Variants in CACNA2D3 observed in about 807,000 individuals in gnomAD.
The protein encoded by CACNA2D3 is calcium voltage-gated channel auxiliary subunit alpha2delta 3.
In CACNA2D3, 60 loss-of-function variants were observed where a neutral mutation model predicts 160.6. The observed-to-expected ratio is 0.37, with a 90% CI of 0.30 to 0.46. CACNA2D3 has a LOEUF of 0.46. CACNA2D3 is among the 20% of genes least tolerant of loss of function. The pLI, the probability that CACNA2D3 is intolerant of heterozygous loss-of-function variation, is 1.00. For synonymous variants in CACNA2D3, 558 were observed against 492.9 expected (o/e 1.13, Z -1.75); for missense variants, 1,205 against 1,365.0 (o/e 0.88, Z 1.85).
chr3:54,123,469 TGACA>T (rs1168861766), intron 1 of CACNA2D3, 40 bp from the exon 2 acceptor site: 2 of 1,389,844 alleles, frequency 1.4e-6, no homozygotes, highest in Non-Finnish European at 2.1e-6. Context: ...GTGTTGACTG[TGACA>T]CGGGTGTTAC....
chr3:54,994,228 G>C (rs1702807246), intron 31 of CACNA2D3, among the ~76,000 whole-genome samples: 1 of 152,060 alleles, frequency 6.6e-6, no homozygotes. Flanking sequence ...CCTGTCTTTG[G>C]TAATCACATT....
chr3:54,273,759 T>C (rs1055371688), intron 2 of CACNA2D3, among the ~76,000 whole-genome samples: 1 of 152,228 alleles, frequency 6.6e-6, no homozygotes, highest in Non-Finnish European at 1.5e-5. Context: ...ACACCTGTAC[T>C]CAGTCCAGGT....
chr3:54,166,307 G>A (rs1027962419), intron 2 of CACNA2D3, among the ~76,000 whole-genome samples: 6 of 152,184 alleles, frequency 3.9e-5, no homozygotes, highest in East Asian at 1.9e-4. Context: ...TTATTCTCCC[G>A]AGGCTGACAG....
chr3:55,043,886 A>C (rs1278893603), intron 35 of CACNA2D3, among the ~76,000 whole-genome samples: 1 of 152,164 alleles, frequency 6.6e-6, no homozygotes, highest in Non-Finnish European at 1.5e-5. Flanking sequence ...TCATTTCTCC[A>C]CTGACTTGCC....
chr3:54,904,034 T>C (rs1700400339), intron 27 of CACNA2D3, among the ~76,000 whole-genome samples: 2 of 152,218 alleles, frequency 1.3e-5, no homozygotes, highest in Non-Finnish European at 2.9e-5. Flanking sequence ...AATTTATTTC[T>C]TACAGTTCTG....
At chr3:55,002,216 A>G (rs951899297) in intron 31 of CACNA2D3, among the ~76,000 whole-genome samples, 3 of 151,742 alleles carry the variant, frequency 2.0e-5, no homozygotes, top group Non-Finnish European at 4.4e-5. Context: ...TTTTGAAACC[A>G]TGGCCATCCT....
intron 35 of CACNA2D3, among the ~76,000 whole-genome samples, chr3:55,064,498 G>A (rs1271283608): frequency 6.6e-6 from 1 of 152,132 alleles, no homozygotes; most frequent in Non-Finnish European, 1.5e-5. Context: ...GAGTGCAACT[G>A]TACATGAGGC....
In CACNA2D3 at chr3:55,073,459, A is replaced by G. The variant is rs755545254; in HGVS notation, c.3002A>G (p.Gln1001Arg). The change falls in exon 36 of 38, where the codon CAG (glutamine) becomes CGG (arginine). Residue 1001 changes from glutamine (Q) to arginine (R), a missense_variant. Physicochemically the swap from Gln to Arg is conservative, Grantham distance 43. Around this residue, in one of 3 missense-constraint regions of CACNA2D3, gnomAD observed 911 missense variants for 1,002.2 expected, o/e 0.91. Transcript: ENST00000474759. ...CEDCSKSFVI[Q>R]QIPSSNLFMV... ...TGTTCCAACAGGTCCTTTGTCATCC[A>G]GCAAATCCCAAGCAGCAACCTGTTC... 1 of 1,613,750 alleles carries G rather than the reference A, an allele frequency of 6.2e-7. No individual in the cohort carries two copies.
rs147038531 is a variant in CACNA2D3, at chr3:55,029,264, T to G, written c.2987+10947T>G. ...TGGTCTGGGCTACCACACTTACTAG[T>G]GCAAAGATCTTAACACATTATTTAA... On this transcript the variant is annotated intron_variant, in intron 35 of 37. Coordinates refer to ENST00000474759, the MANE Select transcript of CACNA2D3 (RefSeq NM_018398.3). Among the ~76,000 whole-genome samples the G allele has an allele frequency of 2.2e-4, 34 of 152,298 alleles. 1 individual carries two copies. In the East Asian group the frequency reaches 3.9e-3, roughly 17 times the overall value.
At chr3:54,952,135 T>C (rs1322682498) in intron 27 of CACNA2D3, among the ~76,000 whole-genome samples, 1 of 152,212 alleles carries the variant, frequency 6.6e-6, no homozygotes, top group Non-Finnish European at 1.5e-5. Flanking sequence ...TGTTAGCCAC[T>C]GGGCCTGGCT....
intron 2 of CACNA2D3, among the ~76,000 whole-genome samples, chr3:54,277,466 C>T (rs190031100): frequency 1.7e-4 from 26 of 152,132 alleles, no homozygotes; most frequent in African/African-American, 3.9e-4. Context: ...CTGAGGCCTC[C>T]GTTCTGTTCC....
intron 9 of CACNA2D3, among the ~76,000 whole-genome samples, chr3:54,593,330 A>C (rs547527228): frequency 1.3e-5 from 2 of 152,180 alleles, no homozygotes; most frequent in African/African-American, 4.8e-5. Context: ...AAACACATGT[A>C]AATTTCAGAA....
At chr3:54,806,729 A>T (rs531243085) in intron 13 of CACNA2D3, among the ~76,000 whole-genome samples, 1 of 152,152 alleles carries the variant, frequency 6.6e-6, no homozygotes, top group Non-Finnish European at 1.5e-5. Context: ...GAACCAAAAA[A>T]GAGCCCGCAT....
chr3:54,309,562 GA>G (rs1283039663), intron 2 of CACNA2D3, among the ~76,000 whole-genome samples: 2 of 152,174 alleles, frequency 1.3e-5, no homozygotes, highest in Admixed American at 1.3e-4. Flanking sequence ...TGCTCTCGGG[GA>G]CAGCCTCCCT....
chr3:54,176,473 G>T (rs1700680224), intron 2 of CACNA2D3, among the ~76,000 whole-genome samples: 1 of 152,166 alleles, frequency 6.6e-6, no homozygotes, highest in South Asian at 2.1e-4. Flanking sequence ...GATAATGATG[G>T]TGGCCAATTT....
At chr3:54,374,808 A>C (rs1698982178) in intron 3 of CACNA2D3, among the ~76,000 whole-genome samples, 1 of 152,160 alleles carries the variant, frequency 6.6e-6, no homozygotes. Context: ...CTTCCTAAAT[A>C]ACTTTCAGAT....
intron 11 of CACNA2D3, among the ~76,000 whole-genome samples, chr3:54,714,521 G>A (rs1701016081): frequency 6.6e-6 from 1 of 152,282 alleles, no homozygotes; most frequent in Admixed American, 6.5e-5. Flanking sequence ...ATTCCCAATG[G>A]TGAGAGCAAT....
chr3:55,056,879 G>T (rs554166147), intron 35 of CACNA2D3, among the ~76,000 whole-genome samples: 2 of 152,276 alleles, frequency 1.3e-5, no homozygotes, highest in Admixed American at 1.3e-4. Context: ...CTGGAGTTCT[G>T]TTGCACATCA....
intron 4 of CACNA2D3, among the ~76,000 whole-genome samples, chr3:54,490,926 G>A (rs1179835242): frequency 6.6e-6 from 1 of 152,150 alleles, no homozygotes; most frequent in Admixed American, 6.5e-5. Flanking sequence ...TCCCTGTGCT[G>A]GATGCCGTGA....
Sources: gnomAD v4.1 joint callset for allele counts (sites outside exome capture counted in the v4.1 genomes callset) on GRCh38, gnomAD v4.1.1 for gene constraint, gnomAD v4.1.1 regional missense constraint, MANE v1.5 for transcripts, NCBI Gene and HGNC (gene_info 2026-07-23, HGNC 2026-07-21) for gene names.